Variants in DCHS2 observed in about 807,000 individuals in gnomAD.
DCHS2 encodes dachsous cadherin-related 2.
A neutral mutation model predicts 182.4 loss-of-function variants in DCHS2; 142 were observed. That is an observed-to-expected ratio of 0.78 (90% confidence interval 0.68 to 0.89). The LOEUF is 0.89. DCHS2 is among the 40% of genes least tolerant of loss of function. The pLI, the probability that DCHS2 is intolerant of heterozygous loss-of-function variation, is 0.00. For synonymous variants in DCHS2, 1,740 were observed against 1,663.3 expected, an observed-to-expected ratio of 1.05 and a Z score of -1.12; for missense variants, 4,319 against 4,198.6, an observed-to-expected ratio of 1.03 and a Z score of -0.79.
chr4:154,465,634 A>C (rs1735209065), intron 1 of DCHS2, among the ~76,000 whole-genome samples: 1 of 150,882 alleles, frequency 6.6e-6, no homozygotes, highest in Non-Finnish European at 1.5e-5. Flanking sequence ...ACGCCACTAC[A>C]CTCCAGCCTG....
At chr4:154,244,753 TTAG>T (rs1479021185) in intron 16 of DCHS2, among the ~76,000 whole-genome samples, 2 of 152,212 alleles carry the variant, frequency 1.3e-5, no homozygotes, top group Non-Finnish European at 2.9e-5. Flanking sequence ...AGTTGGAATA[TTAG>T]TAGAACAACC....
intron 1 of DCHS2, among the ~76,000 whole-genome samples, chr4:154,405,488 ACT>A (rs1385164387): frequency 6.6e-6 from 1 of 150,422 alleles, no homozygotes; most frequent in Non-Finnish European, 1.5e-5. Context: ...TGCTCCATTC[ACT>A]CTCTTCTCCC....
At chr4:154,384,413 C>T in intron 1 of DCHS2, 1 of 1,613,378 alleles carries the variant, frequency 6.2e-7, no homozygotes, top group Non-Finnish European at 8.5e-7. Context: ...GGCTTCTGAA[C>T]ACTATAGCAC....
intron 13 of DCHS2, among the ~76,000 whole-genome samples, chr4:154,291,722 C>T (rs868723731): frequency 6.6e-6 from 1 of 151,984 alleles, no homozygotes; most frequent in Non-Finnish European, 1.5e-5. Flanking sequence ...CATGTTCTCA[C>T]TTATTTGTAG....
intron 12 of DCHS2, 25 bp downstream of exon 12, chr4:154,304,638 AACAAAC>A: frequency 2.8e-6 from 1 of 359,776 alleles, no homozygotes; most frequent in Non-Finnish European, 4.2e-6. Flanking sequence ...TAAAAAAACA[AACAAAC>A]AAACAAACAA....
At chr4:154,368,274 G>A (rs1003118088) in intron 2 of DCHS2, among the ~76,000 whole-genome samples, 10 of 152,096 alleles carry the variant, frequency 6.6e-5, no homozygotes, top group Non-Finnish European at 1.5e-4. Flanking sequence ...GCTGCTGCTC[G>A]AAACTGCCTT....
intron 17 of DCHS2, among the ~76,000 whole-genome samples, chr4:154,241,191 G>A (rs1011963462): frequency 6.6e-6 from 1 of 152,130 alleles, no homozygotes; most frequent in Non-Finnish European, 1.5e-5. Flanking sequence ...TGAATGGGAT[G>A]AAAGGTATTA....
chr4:154,419,421 C>T (rs575242444), intron 1 of DCHS2, among the ~76,000 whole-genome samples: 14 of 151,980 alleles, frequency 9.2e-5, no homozygotes, highest in African/African-American at 2.9e-4. Context: ...GAGGCTGAGG[C>T]GGGTGGATCA....
At chr4:154,268,787 TA>T (rs772295257) in intron 14 of DCHS2, among the ~76,000 whole-genome samples, 11 of 152,138 alleles carry the variant, frequency 7.2e-5, no homozygotes, top group Admixed American at 3.3e-4. Flanking sequence ...AATCAAAAAA[TA>T]AAGATGTTCC....
At chr4:154,385,765 T>A (rs113857019) in intron 1 of DCHS2, among the ~76,000 whole-genome samples, 10 of 152,188 alleles carry the variant, frequency 6.6e-5, no homozygotes, top group African/African-American at 2.4e-4. Flanking sequence ...GTGCTAGGAT[T>A]AAAGGTGTGA....
chr4:154,356,855 G>A (rs1729895251), intron 3 of DCHS2, among the ~76,000 whole-genome samples: 1 of 152,116 alleles, frequency 6.6e-6, no homozygotes, highest in South Asian at 2.1e-4. Flanking sequence ...AGCAATGCAT[G>A]ACTAAAATTA....
intron 1 of DCHS2, among the ~76,000 whole-genome samples, chr4:154,485,197 C>T (rs1205930889): frequency 6.6e-6 from 1 of 152,024 alleles, no homozygotes; most frequent in Non-Finnish European, 1.5e-5. Context: ...AATGCCTCTA[C>T]CACACTGAGT....
chr4:154,379,941 T>C (rs546486076), intron 1 of DCHS2, among the ~76,000 whole-genome samples: 2 of 152,250 alleles, frequency 1.3e-5, no homozygotes, highest in Admixed American at 1.3e-4. Flanking sequence ...TTAGTATGTC[T>C]AGAGACACTT....
At chr4:154,407,129 A>G (rs1233478173) in intron 1 of DCHS2, among the ~76,000 whole-genome samples, 2 of 152,188 alleles carry the variant, frequency 1.3e-5, no homozygotes, top group African/African-American at 2.4e-5. Context: ...ATGAGGGAGG[A>G]CAGGATACAC....
chr4:154,457,870 G>C (rs532062875), intron 1 of DCHS2, among the ~76,000 whole-genome samples: 1 of 152,092 alleles, frequency 6.6e-6, no homozygotes, highest in Admixed American at 6.6e-5. Flanking sequence ...TGATGCTGCT[G>C]GTCCAGGGAC....
At chr4:154,411,531 AG>A (rs1732634682) in intron 1 of DCHS2, among the ~76,000 whole-genome samples, 1 of 152,084 alleles carries the variant, frequency 6.6e-6, no homozygotes, top group Non-Finnish European at 1.5e-5. Flanking sequence ...TGGGAGGCAG[AG>A]GTTGCAATAA....
intron 1 of DCHS2, among the ~76,000 whole-genome samples, chr4:154,396,487 T>C (rs1731934030): frequency 6.6e-6 from 1 of 152,166 alleles, no homozygotes; most frequent in African/African-American, 2.4e-5. Context: ...GATGATGGCA[T>C]TATAACTCCA....
chr4:154,433,395 C>CTTTTTTTTTTTTTTTTTTTTT (rs61553613), intron 1 of DCHS2, among the ~76,000 whole-genome samples: 1 of 103,868 alleles, frequency 9.6e-6, no homozygotes, highest in Non-Finnish European at 1.9e-5. Context: ...TTTTTTTTTC[C>CTTTTTTTTTTTTTTTTTTTTT]TTTTTTTTTT....
chr4:154,452,558 A>G (rs1734579629), intron 1 of DCHS2, among the ~76,000 whole-genome samples: 1 of 152,138 alleles, frequency 6.6e-6, no homozygotes, highest in Non-Finnish European at 1.5e-5. Context: ...CAGGAGGCAG[A>G]GGTTGCAGTG....
Sources: gnomAD v4.1 joint callset for allele counts (sites outside exome capture counted in the v4.1 genomes callset) on GRCh38, gnomAD v4.1.1 for gene constraint, MANE v1.5 for transcripts, NCBI Gene and HGNC (gene_info 2026-07-23, HGNC 2026-07-21) for gene names.